Variants in CD6 observed in about 807,000 individuals in gnomAD.
CD6 encodes CD6 molecule.
A neutral mutation model predicts 75.3 loss-of-function variants in CD6; 53 were observed. The ratio of observed to expected loss-of-function variants is 0.70; its 90% confidence interval spans 0.56 to 0.88. CD6 has a LOEUF of 0.88. Among genes scored for constraint, CD6 ranks in the 40% least tolerant of loss-of-function variants. The probability of loss-of-function intolerance (pLI) is 0.00; values close to 1 mark genes in which losing one functional copy is unlikely to be tolerated. For missense variants in CD6, 770 were observed against 897.1 expected, an observed-to-expected ratio of 0.86 and a Z score of 1.81; for synonymous variants, 359 against 381.5, an observed-to-expected ratio of 0.94 and a Z score of 0.69.
intron 1 of CD6, among the ~76,000 whole-genome samples, chr11:60,981,966 A>C (rs1181859518): frequency 6.7e-6 from 1 of 150,280 alleles, no homozygotes; most frequent in Non-Finnish European, 1.5e-5. Flanking sequence ...GTGGGGGCAC[A>C]CTCAAAAGTC....
chr11:60,999,638 T>C (rs1858482557), intron 1 of CD6, among the ~76,000 whole-genome samples: 1 of 152,152 alleles, frequency 6.6e-6, no homozygotes, highest in Non-Finnish European at 1.5e-5. Context: ...GCAAATATTT[T>C]TAATGTGCTA....
chr11:60,987,599 G>T (rs1002329116), intron 1 of CD6, among the ~76,000 whole-genome samples: 2 of 151,864 alleles, frequency 1.3e-5, no homozygotes, highest in Admixed American at 6.6e-5. Context: ...TGGTGGGGGG[G>T]TATGGAGAAA....
In CD6 at chr11:61,015,801, C is replaced by T. The variant is rs767799637; in HGVS notation, c.1476C>T (p.Ser492=). 4 of 1,614,192 alleles carry T rather than the reference C, an allele frequency of 2.5e-6. No homozygotes were observed. The highest frequency in any genetic ancestry group is 1.7e-5 in the Admixed American group (1 of 60,036). ...SDSDYEHYDF[S]AQPPVALTTF... is the part of the protein sequence containing the mutation. The stretch of plus-strand genomic sequence containing the variant: ...CAGACTATGAGCACTATGACTTCAG[C>T]GCCCAGCCTCCTGTGGCCCTGACCA... Residue 492 remains serine, a synonymous_variant, in exon 9 of 13, where the codon AGC becomes AGT. Transcript: ENST00000313421.
At chr11:61,005,761 G>A (rs1322071971) in intron 1 of CD6, among the ~76,000 whole-genome samples, 7 of 151,952 alleles carry the variant, frequency 4.6e-5, no homozygotes, top group East Asian at 3.9e-4. Flanking sequence ...GAGAAACCCC[G>A]TCTCTACTAA....
At chr11:60,984,443 T>C (rs977654256) in intron 1 of CD6, among the ~76,000 whole-genome samples, 1 of 152,108 alleles carries the variant, frequency 6.6e-6, no homozygotes, top group Non-Finnish European at 1.5e-5. Flanking sequence ...GCCTCGGATA[T>C]TGGAGTCCGG....
Position 61,018,313 on chromosome 11 carries a change from C to T in CD6, c.1862C>T (p.Ser621Phe). The change falls in exon 12 of 13, where the codon TCC becomes TTC. Residue 621 changes from serine to phenylalanine, a missense_variant. Ser to Phe is a radical substitution (Grantham distance 155). Coordinates refer to ENST00000313421, the MANE Select transcript of CD6 (RefSeq NM_006725.5). ...GCAGGGCCCCCGGCTGATGACAGCT[C>T]CAGCACCTCATCCGGGGAGTGGTAC... ...FSAGPPADDS[S>F]STSSGEWYQN... 2.5e-6 allele frequency: 4 copies of T among 1,607,274 alleles called. No homozygotes were observed. The highest frequency in any genetic ancestry group is 3.4e-6 in the Non-Finnish European group (4 of 1,177,162).
At chr11:60,973,121 C>T (rs540380645) in intron 1 of CD6, among the ~76,000 whole-genome samples, 33 of 152,316 alleles carry the variant, frequency 2.2e-4, no homozygotes, top group South Asian at 4.1e-4. Context: ...GGAGTAAAGT[C>T]GGGTCCAAAA....
At chr11:60,984,566 G>A (rs1281297858) in intron 1 of CD6, among the ~76,000 whole-genome samples, 2 of 152,196 alleles carry the variant, frequency 1.3e-5, no homozygotes, top group Admixed American at 1.3e-4. Context: ...CTGAGGATAC[G>A]GGACAAAGTC....
At chr11:60,995,187 C>T (rs1053828669) in intron 1 of CD6, among the ~76,000 whole-genome samples, 4 of 151,704 alleles carry the variant, frequency 2.6e-5, no homozygotes, top group African/African-American at 7.3e-5. Flanking sequence ...CTCTGTCACC[C>T]AGCCTAGAAT....
Position 61,007,315 on chromosome 11 carries a change from A to T in CD6, c.119-245A>T, listed in dbSNP as rs1590712433. On this transcript the variant is annotated intron_variant, in intron 2 of 12. Transcript: ENST00000313421. This position sits in a 1 kb window ranked among gnomAD's most constrained non-coding sequence, Gnocchi z 4.2. Reference sequence around the variant, plus strand: ...GGGGCTGGACCCCTAGTTGTCTGTCACCCATCTTAACCTCTAGAGTCACTC... The same window carrying T: ...GGGGCTGGACCCCTAGTTGTCTGTCTCCCATCTTAACCTCTAGAGTCACTC... Among the ~76,000 whole-genome samples, 1 of 151,994 alleles carries T rather than the reference A, an allele frequency of 6.6e-6. No homozygotes were observed. Among genetic ancestry groups the T allele is most frequent in the African/African-American group, 2.4e-5 (1 of 41,388 alleles).
At chr11:60,978,246 G>A (rs1466195830) in intron 1 of CD6, among the ~76,000 whole-genome samples, 2 of 152,236 alleles carry the variant, frequency 1.3e-5, no homozygotes, top group Non-Finnish European at 2.9e-5. Flanking sequence ...CCCCTGACAA[G>A]ACTGAGCCTG....
intron 5 of CD6, 122 bp from the exon 6 acceptor site, chr11:61,010,948 G>A (rs1859111413): frequency 1.2e-6 from 1 of 842,422 alleles, no homozygotes; most frequent in Non-Finnish European, 2.0e-6. Context: ...ACGTGTCCCT[G>A]ATGGGAGCAC....
At chr11:61,014,749 A>T (rs2134491153) in intron 8 of CD6, among the ~76,000 whole-genome samples, 1 of 151,636 alleles carries the variant, frequency 6.6e-6, no homozygotes, top group East Asian at 2.0e-4. Flanking sequence ...AAAAAAAAAA[A>T]GAAAAGGTTC....
At chr11:60,996,249 C>G (rs1267532950) in intron 1 of CD6, among the ~76,000 whole-genome samples, 7 of 152,192 alleles carry the variant, frequency 4.6e-5, no homozygotes, top group Admixed American at 4.6e-4. Flanking sequence ...GTGACGGGTG[C>G]TCGACGTGCC....
chr11:60,994,751 C>T (rs1309658320), intron 1 of CD6, among the ~76,000 whole-genome samples: 1 of 152,258 alleles, frequency 6.6e-6, no homozygotes, highest in African/African-American at 2.4e-5. Flanking sequence ...TGTTCCGTTT[C>T]ATTAACACTT....
chr11:61,017,064 T>C (rs1294767768), intron 9 of CD6: 1 of 196,482 alleles, frequency 5.1e-6, no homozygotes. Flanking sequence ...TTCTGAAACG[T>C]GAAGGTGCCA....
intron 1 of CD6, among the ~76,000 whole-genome samples, chr11:60,996,035 C>T (rs1255758174): frequency 2.6e-5 from 4 of 152,136 alleles, no homozygotes; most frequent in South Asian, 2.1e-4. Context: ...GATTCCAACC[C>T]GGGGGAGTGG....
At chr11:61,015,430 G>T in intron 8 of CD6, 1 of 313,612 alleles carries the variant, frequency 3.2e-6, no homozygotes, top group Non-Finnish European at 5.9e-6. Context: ...AATTAGCTGG[G>T]CGTGATGGTG....
rs779691519 is a variant in CD6 at position 61,009,589 on chromosome 11, C to T, written c.799C>T (p.Leu267=). The T allele has an allele frequency of 6.2e-7, 1 of 1,607,606 alleles. No homozygotes were observed. Among genetic ancestry groups the T allele is most frequent in the Non-Finnish European group, 8.5e-7 (1 of 1,177,072 alleles). Residue 267 remains leucine (L), a synonymous_variant, in exon 5 of 13, where the codon CTG becomes TTG. Transcript: ENST00000313421. ...CCCTGCAGAGCACCAGTCCTGGCGCCTGACAGGGGGCGCTGACCGCTGCGA... is the reference window on the plus strand; with the variant it reads ...CCCTGCAGAGCACCAGTCCTGGCGCTTGACAGGGGGCGCTGACCGCTGCGA... ...AVCSEHQSWR[L]TGGADRCEGQ...
Sources: allele counts gnomAD v4.1 joint callset (sites outside exome capture counted in the v4.1 genomes callset), GRCh38; gene constraint gnomAD v4.1.1; non-coding constraint Gnocchi (gnomAD v3.1); transcripts MANE v1.5; gene names NCBI Gene and HGNC (gene_info 2026-07-23, HGNC 2026-07-21).